TERT: variants seen among roughly 807,000 people sequenced by gnomAD.
The protein encoded by TERT is telomerase catalytic subunit.
In TERT, 42 loss-of-function variants were observed where a neutral mutation model predicts 104.0. The observed-to-expected ratio is 0.40, with a 90% CI of 0.32 to 0.52. The LOEUF is 0.52. Ranked by LOEUF, TERT falls within the 20% of genes least tolerant of loss-of-function variation. The probability of loss-of-function intolerance (pLI) is 0.43; values close to 1 mark genes in which losing one functional copy is unlikely to be tolerated. For synonymous variants in TERT, 781 were observed against 725.6 expected (o/e 1.08, Z -1.23); for missense variants, 1,101 against 1,610.3 (o/e 0.68, Z 5.41).
intron 6 of TERT, among the ~76,000 whole-genome samples, chr5:1,273,068 A>G (rs192723047): frequency 0.012 from 673 of 56,340 alleles, 28 homozygotes; most frequent in Middle Eastern, 0.028. Flanking sequence ...GTGACCGATC[A>G]CCATCCACAG....
rs901483639 is a variant in TERT at position 1,274,187 on chromosome 5, C to G, written c.2287-1907G>C. 6.6e-6 allele frequency among the ~76,000 whole-genome samples: 1 copy of G among 152,182 alleles called. No individual in the cohort carries two copies. The highest frequency in any genetic ancestry group is 1.5e-5 in the Non-Finnish European group (1 of 68,036). On this transcript the variant is annotated intron_variant, in intron 6 of 15. Coordinates refer to ENST00000310581, the MANE Select transcript of TERT (RefSeq NM_198253.3). This position sits in a 1 kb window ranked among gnomAD's most constrained non-coding sequence, Gnocchi z 5.3. ...AGCCCCCAGGAGCTGGCGGCAGGGC[C>G]GTGGGCTAAAACCACATCGAGTACG...
chr5:1,254,515 A>G lies in TERT; in HGVS notation c.3158-10T>C. 4.3e-6 allele frequency: 7 copies of G among 1,609,330 alleles called. No individual in the cohort carries two copies. Among genetic ancestry groups the G allele is most frequent in the Non-Finnish European group, 5.9e-6 (7 of 1,178,814 alleles). On this transcript the variant is annotated splice_polypyrimidine_tract_variant and intron_variant, in intron 14 of 15. Coordinates refer to ENST00000310581, the MANE Select transcript of TERT (RefSeq NM_198253.3). ...GCCCCCAGCGACATCCCTGGGGGAAAACAGAGGCTGAGGAGTCACAGGCCC... is the reference window on the plus strand; with the variant it reads ...GCCCCCAGCGACATCCCTGGGGGAAGACAGAGGCTGAGGAGTCACAGGCCC...
chr5:1,285,657 A>C (rs535526050), intron 2 of TERT, among the ~76,000 whole-genome samples: 1 of 137,890 alleles, frequency 7.3e-6, no homozygotes, highest in Non-Finnish European at 1.5e-5. Context: ...GCAACTTCCA[A>C]CTCCCAGGTT....
chr5:1,272,643 ACACATCAGACCCCACG>A (rs1749160768), intron 6 of TERT, among the ~76,000 whole-genome samples: 3 of 53,906 alleles, frequency 5.6e-5, no homozygotes, highest in African/African-American at 1.7e-4. Context: ...CACAGTCACC[ACACATCAGACCCCACG>A]ACCGCCATCC....
At chr5:1,283,163 C>T (rs550124503) in intron 2 of TERT, among the ~76,000 whole-genome samples, 225 of 141,162 alleles carry the variant, frequency 1.6e-3, no homozygotes, top group Non-Finnish European at 2.6e-3. Flanking sequence ...CAGGGCCTGG[C>T]GACCTCACCC....
chr5:1,284,049 A>ACTCCATACC (rs1427685851), intron 2 of TERT, among the ~76,000 whole-genome samples: 2 of 146,890 alleles, frequency 1.4e-5, no homozygotes, highest in Non-Finnish European at 3.0e-5. Flanking sequence ...CACCATCCGG[A>ACTCCATACC]TACAGCACAT....
At position 1,274,725 on chromosome 5, in the gene TERT, C is replaced by T. The variant is rs2126629482; in HGVS notation, c.2287-2445G>A. 6.6e-6 allele frequency among the ~76,000 whole-genome samples: 1 copy of T among 152,336 alleles called. No homozygotes were observed. Among genetic ancestry groups the T allele is most frequent in the South Asian group, 2.1e-4 (1 of 4,828 alleles). On this transcript the variant is annotated intron_variant, in intron 6 of 15. Transcript: ENST00000310581. The surrounding 1 kb of genome is among the most constrained non-coding windows in gnomAD (Gnocchi z 5.3). Reference sequence around the variant, plus strand: ...GCTGTGCGCCGGGTTCCTAACAGGCCCCAGACCGGTGCCACTCCACAGCCA... The same window carrying T: ...GCTGTGCGCCGGGTTCCTAACAGGCTCCAGACCGGTGCCACTCCACAGCCA...
rs925266664 is a variant in TERT at position 1,292,040 on chromosome 5, C to A, written c.1573+1273G>T. ...ATTTCAAGCAACCTGCTGTAAACAC[C>A]GCCGAGTTAGCAATTCTGCACTGTA... On this transcript the variant is annotated intron_variant, in intron 2 of 15. Transcript: ENST00000310581. The surrounding 1 kb of genome is among the most constrained non-coding windows in gnomAD (Gnocchi z 5.5). 6.6e-6 allele frequency among the ~76,000 whole-genome samples: 1 copy of A among 152,122 alleles called. No homozygotes were observed. Among genetic ancestry groups the A allele is most frequent in the East Asian group, 1.9e-4 (1 of 5,200 alleles).
chr5:1,285,133 C>T (rs968808905), intron 2 of TERT, among the ~76,000 whole-genome samples: 13 of 100,134 alleles, frequency 1.3e-4, no homozygotes, highest in South Asian at 5.1e-4. Context: ...GACCTCACCC[C>T]GGACCTGCAT....
intron 2 of TERT, 138 bp downstream of exon 2, chr5:1,293,175 C>T (rs1477818544): frequency 1.0e-5 from 10 of 965,858 alleles, no homozygotes; most frequent in Non-Finnish European, 1.4e-5. Context: ...CGTGTCCACT[C>T]GACGTCCTGA....
chr5:1,292,089 C>T lies in TERT; in HGVS notation c.1573+1224G>A, dbSNP rs904565521. Among the ~76,000 whole-genome samples, 2 of 151,950 alleles carry T rather than the reference C, an allele frequency of 1.3e-5. No individual in the cohort carries two copies. Among genetic ancestry groups the T allele is most frequent in the Admixed American group, 6.6e-5 (1 of 15,256 alleles). ...TACACAGAAAACGGTGTTAGGAGTG[C>T]CAATCTCATGTTATATGACTTTTGC... On this transcript the variant is annotated intron_variant, in intron 2 of 15. Transcript: ENST00000310581. The surrounding 1 kb of genome is among the most constrained non-coding windows in gnomAD (Gnocchi z 5.5).
chr5:1,279,253 G>C (rs1749836354), intron 5 of TERT, 38 bp downstream of exon 5: 4 of 1,549,460 alleles, frequency 2.6e-6, no homozygotes, highest in Non-Finnish European at 3.5e-6. Flanking sequence ...CACTCCCAAG[G>C]TCCAGCAGGG....
chr5:1,266,310 C>A lies in TERT; in HGVS notation c.2654+154G>T. The A allele has an allele frequency of 3.9e-6, 3 of 774,274 alleles. No homozygotes were observed. The South Asian group carries it at 4.6e-5, about 12-fold the overall frequency. The allele number at this position is 774,274 out of a possible 1,614,324, so 48.0% of individuals were successfully genotyped here. A position where few individuals can be genotyped will look rare whatever the true frequency, so the allele number is the denominator to read the frequency against. On this transcript the variant is annotated intron_variant, in intron 10 of 15. Transcript: ENST00000310581. ...CCCTGCGCCCCCAGGCCTGGGTGCA[C>A]GGCCAAGCGCCTCTGCTCTTGCGGA...
rs1749931485 is a variant in TERT at position 1,280,267 on chromosome 5, G to T, written c.1841C>A (p.Pro614His). 1.2e-6 allele frequency: 2 copies of T among 1,613,740 alleles called. No individual in the cohort carries two copies. The highest frequency in any genetic ancestry group is 1.7e-6 in the Non-Finnish European group (2 of 1,180,012). Residue 614 changes from proline to histidine, a missense_variant, in exon 4 of 16, where the codon CCC (proline) becomes CAC (histidine). This residue lies in a region of TERT where 463 missense variants were observed against 797.5 expected (regional missense o/e 0.58). Coordinates refer to ENST00000310581, the MANE Select transcript of TERT (RefSeq NM_198253.3). ...GCGGAGTCTGGACGTCAGCAGGGCG[G>T]GCCTGGCTTCCCGATGCTGCCTGAC... ...AEVRQHREARPALLTSRLRFI... is the reference protein window; with the variant it reads ...AEVRQHREARHALLTSRLRFI...
In TERT at chr5:1,263,405, C is replaced by CTTT. The variant is rs569826270; in HGVS notation, c.2843+996_2843+998dup. 7.0e-6 allele frequency among the ~76,000 whole-genome samples: 1 copy of CTTT among 142,772 alleles called. No homozygotes were observed. Among genetic ancestry groups the CTTT allele is most frequent in the African/African-American group, 2.6e-5 (1 of 38,894 alleles). 93.7% of individuals were successfully genotyped at this position (142,772 alleles called of 152,430 possible). On this transcript the variant is annotated intron_variant, in intron 11 of 15. Transcript: ENST00000310581. The surrounding 1 kb of genome is among the most constrained non-coding windows in gnomAD (Gnocchi z 5.3). ...CCACTATGGTTTTGGAATGCTGATA[C>CTTT]TTTTTTTTTTTTTTTTAAGATGAAG...
At position 1,264,498 on chromosome 5, in the gene TERT, T is replaced by A; in HGVS notation, c.2749A>T (p.Thr917Ser). 1 of 1,613,970 alleles carries A rather than the reference T, an allele frequency of 6.2e-7. No homozygotes were observed. The highest frequency in any genetic ancestry group is 8.5e-7 in the Non-Finnish European group (1 of 1,180,034). The change falls in exon 11 of 16, where the codon ACG (threonine) becomes TCG (serine). Residue 917 changes from threonine to serine, a missense_variant. Physicochemically the swap from Thr to Ser is moderately conservative, Grantham distance 58. This residue lies in a region of TERT where 463 missense variants were observed against 797.5 expected (regional missense o/e 0.58). Coordinates refer to ENST00000310581, the MANE Select transcript of TERT (RefSeq NM_198253.3). ...TGGGCCGGCATCTGAACAAAAGCCG[T>A]GCCACCCAGGGCCTCGTCTTCTACA... Reference protein sequence around the residue: ...FPVEDEALGGTAFVQMPAHGL... With the variant: ...FPVEDEALGGSAFVQMPAHGL...
chr5:1,272,625 C>T (rs6860512), intron 6 of TERT, among the ~76,000 whole-genome samples: 10 of 34,354 alleles, frequency 2.9e-4, no homozygotes, highest in African/African-American at 1.6e-3. Context: ...GACCCCACGA[C>T]CGCCATCCAC....
At chr5:1,285,565 A>ATTTTTTTTTTTTTTT (rs1170336173) in intron 2 of TERT, among the ~76,000 whole-genome samples, 5 of 82,184 alleles carry the variant, frequency 6.1e-5, no homozygotes, top group Non-Finnish European at 6.5e-5. Flanking sequence ...GGCTACTAGA[A>ATTTTTTTTTTTTTTT]TTTTTTTTTT....
At position 1,263,845 on chromosome 5, in the gene TERT, T is replaced by C. The variant is rs2126593014; in HGVS notation, c.2843+559A>G. ...GGGGAAACAAGACCCCAGAATTTTG[T>C]AGAGACCCCCCCCACACCATGGCCC... On this transcript the variant is annotated intron_variant, in intron 11 of 15. Coordinates refer to ENST00000310581, the MANE Select transcript of TERT (RefSeq NM_198253.3). The surrounding 1 kb of genome is among the most constrained non-coding windows in gnomAD (Gnocchi z 5.3). 6.6e-6 allele frequency among the ~76,000 whole-genome samples: 1 copy of C among 152,362 alleles called. No individual in the cohort carries two copies. Among genetic ancestry groups the C allele is most frequent in the South Asian group, 2.1e-4 (1 of 4,826 alleles).
Sources: gnomAD v4.1 joint callset for allele counts (sites outside exome capture counted in the v4.1 genomes callset) on GRCh38, gnomAD v4.1.1 for gene constraint, gnomAD v4.1.1 regional missense constraint, Gnocchi (gnomAD v3.1) non-coding constraint, MANE v1.5 for transcripts, NCBI Gene and HGNC (gene_info 2026-07-23, HGNC 2026-07-21) for gene names.